Variants in PTPRD observed in about 807,000 individuals in gnomAD.
PTPRD encodes protein tyrosine phosphatase receptor type D.
PTPRD carries 34 observed loss-of-function variants against 214.5 expected under a neutral mutation model. The observed-to-expected ratio is 0.16, with a 90% CI of 0.12 to 0.21. PTPRD has a LOEUF of 0.21. PTPRD is among the 10% of genes least tolerant of loss of function. The probability of loss-of-function intolerance (pLI) is 1.00; values close to 1 mark genes in which losing one functional copy is unlikely to be tolerated. For synonymous variants in PTPRD, 1,128 were observed against 845.7 expected (o/e 1.33, Z -5.79); for missense variants, 2,545 against 2,398.7 (o/e 1.06, Z -1.27).
intron 6 of PTPRD, among the ~76,000 whole-genome samples, chr9:9,762,543 T>C (rs1394129816): frequency 6.6e-6 from 1 of 152,208 alleles, no homozygotes; most frequent in African/African-American, 2.4e-5. Flanking sequence ...AACACTTTGC[T>C]CAGAAACCTC....
intron 2 of PTPRD, among the ~76,000 whole-genome samples, chr9:10,453,428 T>C (rs2098865551): frequency 6.6e-6 from 1 of 151,680 alleles, no homozygotes; most frequent in South Asian, 2.1e-4. Flanking sequence ...ATATTAATTG[T>C]TCCAATTCAC....
chr9:9,534,979 C>T (rs1000436564), intron 8 of PTPRD, among the ~76,000 whole-genome samples: 6 of 152,046 alleles, frequency 3.9e-5, no homozygotes, highest in South Asian at 2.1e-4. Flanking sequence ...AAGTTCCCAC[C>T]GTTATGAATT....
intron 8 of PTPRD, among the ~76,000 whole-genome samples, chr9:9,540,985 T>C (rs993548756): frequency 1.4e-5 from 2 of 145,004 alleles, no homozygotes; most frequent in African/African-American, 4.9e-5. Context: ...TAGCTGAAGA[T>C]ATTAAAAAAA....
intron 7 of PTPRD, among the ~76,000 whole-genome samples, chr9:9,630,533 G>A (rs1345977662): frequency 1.3e-5 from 2 of 152,094 alleles, no homozygotes; most frequent in African/African-American, 4.8e-5. Flanking sequence ...ACTAGAATTA[G>A]GCTTAAATAC....
chr9:10,420,046 T>G (rs1040759916), intron 2 of PTPRD, among the ~76,000 whole-genome samples: 4 of 151,742 alleles, frequency 2.6e-5, no homozygotes, highest in Non-Finnish European at 4.4e-5. Flanking sequence ...CTGTTTAATT[T>G]CTATTGTATC....
chr9:8,617,972 T>A (rs921341007), intron 14 of PTPRD, among the ~76,000 whole-genome samples: 2 of 152,140 alleles, frequency 1.3e-5, no homozygotes, highest in Non-Finnish European at 2.9e-5. Context: ...TGGTAGGTTG[T>A]CCCACTTAAA....
intron 2 of PTPRD, among the ~76,000 whole-genome samples, chr9:10,443,864 C>T (rs2098779250): frequency 6.6e-6 from 1 of 151,304 alleles, no homozygotes; most frequent in Admixed American, 6.6e-5. Context: ...CACACACACA[C>T]AAATGTTTTT....
chr9:10,049,986 T>C (rs1192017561), intron 3 of PTPRD, among the ~76,000 whole-genome samples: 1 of 152,178 alleles, frequency 6.6e-6, no homozygotes, highest in Non-Finnish European at 1.5e-5. Flanking sequence ...CTTTTTTATG[T>C]GCTTATTTAC....
At chr9:10,385,412 A>G (rs771341769) in intron 2 of PTPRD, among the ~76,000 whole-genome samples, 19 of 151,980 alleles carry the variant, frequency 1.3e-4, no homozygotes, top group Non-Finnish European at 2.2e-4. Context: ...AATGATGAGA[A>G]TATAACATAT....
intron 5 of PTPRD, among the ~76,000 whole-genome samples, chr9:9,858,175 C>G (rs985439858): frequency 2.6e-5 from 4 of 152,102 alleles, no homozygotes; most frequent in African/African-American, 9.7e-5. Context: ...AATGATAAAT[C>G]TTTTTCATCA....
At chr9:8,878,855 C>G (rs1436526658) in intron 11 of PTPRD, among the ~76,000 whole-genome samples, 1 of 152,210 alleles carries the variant, frequency 6.6e-6, no homozygotes, top group Non-Finnish European at 1.5e-5. Context: ...ATTATCTGTG[C>G]TTTATAATCC....
chr9:8,994,971 C>T (rs1178873688), intron 11 of PTPRD, among the ~76,000 whole-genome samples: 1 of 151,948 alleles, frequency 6.6e-6, no homozygotes, highest in African/African-American at 2.4e-5. Context: ...TTCAAATCTC[C>T]CCAAATCTGC....
intron 39 of PTPRD, among the ~76,000 whole-genome samples, chr9:8,371,763 T>C (rs2081595852): frequency 6.6e-6 from 1 of 152,000 alleles, no homozygotes; most frequent in South Asian, 2.1e-4. Flanking sequence ...GCTATTTAAG[T>C]TGGATTATGC....
At chr9:9,408,200 T>G (rs1221652748) in intron 8 of PTPRD, among the ~76,000 whole-genome samples, 1 of 151,878 alleles carries the variant, frequency 6.6e-6, no homozygotes, top group Non-Finnish European at 1.5e-5. Flanking sequence ...TTCATTGTTT[T>G]CTTAAACATT....
rs190666063 is a variant in PTPRD at position 10,532,579 on chromosome 9, T to G, written c.-600+79819A>C. Among the ~76,000 whole-genome samples the G allele has an allele frequency of 3.0e-3, 448 of 147,806 alleles. 7 individuals carry two copies. Among genetic ancestry groups the G allele is most frequent in the East Asian group, 4.1e-3 (21 of 5,120 alleles). ...AAAAGTCCTATATATATACACTATA[T>G]ATATATTTATATAATATATATAAAT... On this transcript the variant is annotated intron_variant, in intron 2 of 45. Coordinates refer to ENST00000381196, the MANE Select transcript of PTPRD (RefSeq NM_002839.4).
intron 2 of PTPRD, among the ~76,000 whole-genome samples, chr9:10,438,381 C>G (rs765496793): frequency 6.6e-6 from 1 of 151,490 alleles, no homozygotes; most frequent in Non-Finnish European, 1.5e-5. Context: ...TTTTGACTTA[C>G]GATGGGTTTA....
chr9:9,182,568 T>G (rs1430340768), intron 10 of PTPRD, among the ~76,000 whole-genome samples: 3 of 152,066 alleles, frequency 2.0e-5, no homozygotes, highest in East Asian at 3.9e-4. Context: ...ATTGTTTATT[T>G]CAAAGAATTA....
chr9:10,395,455 A>G (rs915609811), intron 2 of PTPRD, among the ~76,000 whole-genome samples: 9 of 151,904 alleles, frequency 5.9e-5, no homozygotes, highest in Non-Finnish European at 1.2e-4. Context: ...GGCAGTCACC[A>G]TGCCCTTTAT....
intron 3 of PTPRD, among the ~76,000 whole-genome samples, chr9:10,047,398 C>T (rs1433219049): frequency 1.3e-5 from 2 of 149,934 alleles, no homozygotes; most frequent in Admixed American, 6.7e-5. Context: ...CTGGCATTTG[C>T]TGAACACACA....
Sources: gnomAD v4.1 joint callset for allele counts (sites outside exome capture counted in the v4.1 genomes callset) on GRCh38, gnomAD v4.1.1 for gene constraint, MANE v1.5 for transcripts, NCBI Gene and HGNC (gene_info 2026-07-23, HGNC 2026-07-21) for gene names.